ATAD2: variants seen among roughly 807,000 people sequenced by gnomAD.
The protein encoded by ATAD2 is ATPase family AAA domain containing 2.
ATAD2 carries 62 observed loss-of-function variants against 168.9 expected under a neutral mutation model. The ratio of observed to expected loss-of-function variants is 0.37; its 90% CI spans 0.30 to 0.45. The LOEUF is 0.45. ATAD2 is among the 20% of genes least tolerant of loss of function. The probability of loss-of-function intolerance (pLI) is 1.00; values close to 1 mark genes in which losing one functional copy is unlikely to be tolerated. For synonymous variants in ATAD2, 613 were observed against 571.6 expected, an observed-to-expected ratio of 1.07 and a Z score of -1.03; for missense variants, 1,419 against 1,667.8, an observed-to-expected ratio of 0.85 and a Z score of 2.60.
At chr8:123,391,108 C>T (rs1296250513) in intron 1 of ATAD2, among the ~76,000 whole-genome samples, 1 of 151,144 alleles carries the variant, frequency 6.6e-6, no homozygotes. Context: ...GACTCTTCAA[C>T]ATGAGAAACA....
At chr8:123,374,874 A>G (rs1256394177) in intron 2 of ATAD2, among the ~76,000 whole-genome samples, 1 of 152,214 alleles carries the variant, frequency 6.6e-6, no homozygotes, top group Non-Finnish European at 1.5e-5. Context: ...ACTGGACCCT[A>G]GTTAAGAACC....
chr8:123,399,210 C>T (rs375597473), upstream of ATAD2, among the ~76,000 whole-genome samples: 110 of 149,976 alleles, frequency 7.3e-4, no homozygotes, highest in African/African-American at 2.4e-3. Context: ...TGCAGTGAGC[C>T]GAGATGGCAC....
chr8:123,360,240 G>T (rs1006628668), intron 9 of ATAD2, among the ~76,000 whole-genome samples: 1 of 152,200 alleles, frequency 6.6e-6, no homozygotes, highest in Non-Finnish European at 1.5e-5. Context: ...TAACAATTCT[G>T]CTATGATATC....
At chr8:123,368,039 A>T (rs573306633) in intron 8 of ATAD2, among the ~76,000 whole-genome samples, 7 of 152,132 alleles carry the variant, frequency 4.6e-5, no homozygotes, top group East Asian at 1.9e-4. Flanking sequence ...TACAAATAAA[A>T]TTTTTTTCCT....
At chr8:123,336,628 A>T in intron 21 of ATAD2, 96 bp from the exon 22 acceptor site, 1 of 885,932 alleles carries the variant, frequency 1.1e-6, no homozygotes, top group South Asian at 2.5e-5. Flanking sequence ...ATAGAGAATA[A>T]ATACGTAAGA....
intron 1 of ATAD2, among the ~76,000 whole-genome samples, chr8:123,392,912 C>T (rs1159216151): frequency 2.0e-5 from 3 of 152,152 alleles, no homozygotes; most frequent in Admixed American, 1.3e-4. Flanking sequence ...TTGCTGGGCG[C>T]GGTGGCTCAC....
intron 1 of ATAD2, among the ~76,000 whole-genome samples, chr8:123,407,428 A>C (rs1813082352): frequency 6.6e-6 from 1 of 152,176 alleles, no homozygotes; most frequent in Admixed American, 6.6e-5. Flanking sequence ...AAAAAATAAT[A>C]ATAAGGCAGT....
chr8:123,356,132 G>A (rs1286402379), intron 13 of ATAD2: 1 of 189,012 alleles, frequency 5.3e-6, no homozygotes, highest in Non-Finnish European at 1.1e-5. Context: ...ATTTCACCAT[G>A]TTGGCCAGGC....
In ATAD2 at chr8:123,402,397, C is replaced by G. The variant is rs1813014233; in HGVS notation, c.-2281-1222G>C. Among the ~76,000 whole-genome samples the G allele has an allele frequency of 6.6e-6, 1 of 152,120 alleles. No homozygotes were observed. The highest frequency in any genetic ancestry group is 2.4e-5 in the African/African-American group (1 of 41,438). ...AGGTCTTGCTGCAGCCTGCTGCAGC[C>G]TGGCCCCCACCCCAGGGGCAGGCAG... On this transcript the variant is annotated intron_variant, in intron 1 of 28. Coordinates refer to the ATAD2 transcript ENST00000521903. The surrounding 1 kb of genome is among the most constrained non-coding windows in gnomAD (Gnocchi z 4.8).
upstream of ATAD2, among the ~76,000 whole-genome samples, chr8:123,397,738 G>C (rs1450008695): frequency 6.6e-6 from 1 of 152,160 alleles, no homozygotes; most frequent in Non-Finnish European, 1.5e-5. Flanking sequence ...CTAGTGGAAG[G>C]TGAAAGACAA....
At chr8:123,378,191 T>C (rs10089462) in intron 2 of ATAD2, among the ~76,000 whole-genome samples, 86 of 152,342 alleles carry the variant, frequency 5.6e-4, no homozygotes, top group African/African-American at 2.0e-3. Flanking sequence ...CAGTTTACTG[T>C]CAGTGATTTT....
At position 123,402,169 on chromosome 8, in the gene ATAD2, C is replaced by G. The variant is rs1586913127; in HGVS notation, c.-2281-994G>C. On this transcript the variant is annotated intron_variant, in intron 1 of 28. Coordinates refer to the ATAD2 transcript ENST00000521903. The surrounding 1 kb of genome is among the most constrained non-coding windows in gnomAD (Gnocchi z 4.8). ...CCCCAGTGTCCACCTTCGGGCATAG[C>G]CTCCCTCCATCACTGAGTGGTCCAC... is the stretch of plus-strand genomic sequence containing the variant. 1 of 683,862 alleles carries G rather than the reference C, an allele frequency of 1.5e-6. No homozygotes were observed. The allele number at this position is 683,862 out of a possible 1,614,324, so 42.4% of individuals were successfully genotyped here.
At chr8:123,328,652 T>A (rs1827681843) in intron 24 of ATAD2, 73 bp from the exon 25 acceptor site, 3 of 1,395,408 alleles carry the variant, frequency 2.1e-6, no homozygotes, top group Non-Finnish European at 1.9e-6. Flanking sequence ...TGAAAAACCC[T>A]GATATATGAA....
chr8:123,378,019 G>C (rs1829372363), intron 2 of ATAD2, among the ~76,000 whole-genome samples: 1 of 152,148 alleles, frequency 6.6e-6, no homozygotes, highest in African/African-American at 2.4e-5. Context: ...CTCAGAGACA[G>C]TTAATGGACC....
chr8:123,333,047 C>G (rs1827816102), intron 24 of ATAD2, among the ~76,000 whole-genome samples: 1 of 151,644 alleles, frequency 6.6e-6, no homozygotes, highest in Non-Finnish European at 1.5e-5. Context: ...TCAACCCCAG[C>G]AAACACCGCT....
intron 2 of ATAD2, 62 bp downstream of exon 2, chr8:123,380,467 A>C (rs1480790774): frequency 1.3e-6 from 2 of 1,555,878 alleles, no homozygotes; most frequent in African/African-American, 2.7e-5. Flanking sequence ...CAAAAATTAA[A>C]GCAAATCCTA....
chr8:123,384,783 C>T lies in ATAD2; in HGVS notation c.172-4106G>A, dbSNP rs546518967. Among the ~76,000 whole-genome samples, 5 of 152,290 alleles carry T rather than the reference C, an allele frequency of 3.3e-5. No individual in the cohort carries two copies. The South Asian group carries it at 6.2e-4, about 19-fold the overall frequency. ...AAAATTGGAACGATACAAAGATTAG[C>T]GAAACAATTTTTTAAAATCTTACTT... On this transcript the variant is annotated intron_variant, in intron 1 of 27. Transcript: ENST00000287394.
intron 1 of ATAD2, among the ~76,000 whole-genome samples, chr8:123,388,694 T>C (rs1056510443): frequency 1.3e-4 from 19 of 151,916 alleles, no homozygotes; most frequent in African/African-American, 4.6e-4. Flanking sequence ...AATTTTTATT[T>C]TTTATTTTAG....
At chr8:123,377,409 C>T (rs1392832052) in intron 2 of ATAD2, among the ~76,000 whole-genome samples, 1 of 152,098 alleles carries the variant, frequency 6.6e-6, no homozygotes, top group Non-Finnish European at 1.5e-5. Flanking sequence ...ACCTTTCTAA[C>T]ATAAAGCCAA....
Sources: gnomAD v4.1 joint callset for allele counts (sites outside exome capture counted in the v4.1 genomes callset) on GRCh38, gnomAD v4.1.1 for gene constraint, Gnocchi (gnomAD v3.1) non-coding constraint, MANE v1.5 for transcripts, NCBI Gene and HGNC (gene_info 2026-07-23, HGNC 2026-07-21) for gene names.